Variants in TMC5 observed in about 807,000 individuals in gnomAD.
The protein encoded by TMC5 is transmembrane channel-like protein 5.
A neutral mutation model predicts 110.5 loss-of-function variants in TMC5; 86 were observed. The observed-to-expected ratio is 0.78, with a 90% CI of 0.65 to 0.93. The LOEUF (loss-of-function observed/expected upper bound fraction) is 0.93. TMC5 is among the 40% of genes least tolerant of loss of function. TMC5 has a pLI of 0.00. For synonymous variants in TMC5, 455 were observed against 439.5 expected, an observed-to-expected ratio of 1.04 and a Z score of -0.44; for missense variants, 1,144 against 1,222.8, an observed-to-expected ratio of 0.94 and a Z score of 0.96.
chr16:19,456,230 C>A, intron 5 of TMC5, among the ~76,000 whole-genome samples: 1 of 144,138 alleles, frequency 6.9e-6, no homozygotes, highest in African/African-American at 2.7e-5. Flanking sequence ...TATATATACA[C>A]ACATTTAGAA....
chr16:19,415,159 C>T (rs1966870407), upstream of TMC5, among the ~76,000 whole-genome samples: 1 of 152,184 alleles, frequency 6.6e-6, no homozygotes, highest in African/African-American at 2.4e-5. Context: ...CGTATAATTA[C>T]AGTTTATAGG....
intron 8 of TMC5, among the ~76,000 whole-genome samples, chr16:19,464,851 T>TC (rs1232757969): frequency 5.9e-5 from 9 of 152,028 alleles, no homozygotes; most frequent in Non-Finnish European, 1.2e-4. Context: ...ACTGTTTTTT[T>TC]CTTCCTGTAC....
At chr16:19,497,254 A>C in intron 21 of TMC5, 91 bp downstream of exon 21, 1 of 1,338,700 alleles carries the variant, frequency 7.5e-7, no homozygotes, top group East Asian at 2.3e-5. Flanking sequence ...TGTGTCCATT[A>C]CTTTTTCAGT....
In TMC5 at chr16:19,458,064, T is replaced by G. The variant is rs193079782; in HGVS notation, c.1049-2171T>G. On this transcript the variant is annotated intron_variant, in intron 5 of 21. Transcript: ENST00000542583. ...TCCTTAATCGCTACACTGTCTCACT[T>G]TGGGCTAATTCCTCCTCACCCTGGT... 2.9e-4 allele frequency among the ~76,000 whole-genome samples: 44 copies of G among 152,032 alleles called. No individual in the cohort carries two copies. In the Middle Eastern group the frequency reaches 0.017, roughly 59 times the overall value.
At chr16:19,454,542 C>T (rs916036668) in intron 5 of TMC5, among the ~76,000 whole-genome samples, 3 of 152,104 alleles carry the variant, frequency 2.0e-5, no homozygotes, top group Non-Finnish European at 4.4e-5. Flanking sequence ...TACTTCATAG[C>T]GTAAATGTTG....
Position 19,498,228 on chromosome 16 carries a change from A to G in TMC5, c.*262A>G. On this transcript the variant is annotated 3_prime_UTR_variant, in exon 22 of 22. Transcript: ENST00000542583. ...TGTTGTAATATTGAAATGAGCCTAC[A>G]AAAACCTAGGAAGAGATAACTAGGG... 2.1e-6 allele frequency: 1 copy of G among 476,592 alleles called. No individual in the cohort carries two copies. The highest frequency in any genetic ancestry group is 2.4e-5 in the South Asian group (1 of 41,688). The allele number at this position is 476,592 out of a possible 1,614,324, so 29.5% of individuals were successfully genotyped here.
In TMC5 at chr16:19,481,356, G is replaced by A. The variant is rs1170168096; in HGVS notation, c.2268-14G>A. ...AGTTATGGTTTGGGTACTAAACTCAGTATGTTTTCACAGAATCATTGGGAT... is the reference window on the plus strand; with the variant it reads ...AGTTATGGTTTGGGTACTAAACTCAATATGTTTTCACAGAATCATTGGGAT... On this transcript the variant is annotated splice_polypyrimidine_tract_variant and intron_variant, in intron 14 of 21. Coordinates refer to ENST00000542583, the MANE Select transcript of TMC5 (RefSeq NM_001261841.2). 13 of 1,597,324 alleles carry A rather than the reference G, an allele frequency of 8.1e-6. No homozygotes were observed. Among genetic ancestry groups the A allele is most frequent in the African/African-American group, 1.3e-5 (1 of 74,584 alleles).
intron 2 of TMC5, among the ~76,000 whole-genome samples, chr16:19,430,890 C>T (rs1031068897): frequency 4.4e-5 from 6 of 137,488 alleles, no homozygotes; most frequent in Non-Finnish European, 7.6e-5. Context: ...GACTGAATCT[C>T]GCTCTGTCGC....
In TMC5 at chr16:19,456,204, C is replaced by A. The variant is rs564683144; in HGVS notation, c.1049-4031C>A. On this transcript the variant is annotated intron_variant, in intron 5 of 21. Transcript: ENST00000542583. ...CCTGGGTGACATAGCGAGACTCCAT[C>A]TCAAAAAAAAAAATATATATATACA... Among the ~76,000 whole-genome samples, 5 of 143,728 alleles carry A rather than the reference C, an allele frequency of 3.5e-5. No homozygotes were observed. The East Asian group carries it at 9.8e-4, about 28-fold the overall frequency. 94.3% of individuals were successfully genotyped at this position (143,728 alleles called of 152,430 possible). A position where few individuals can be genotyped will look rare whatever the true frequency, so the allele number is the denominator to read the frequency against.
At position 19,463,806 on chromosome 16, in the gene TMC5, GA is replaced by G; in HGVS notation, c.1270del (p.Ile424PhefsTer2). 6.2e-7 allele frequency: 1 copy of G among 1,614,160 alleles called. No homozygotes were observed. On this transcript the variant is annotated frameshift_variant, in exon 8 of 22. Transcript: ENST00000542583. LOFTEE classifies it high-confidence loss of function. ...TCGGAGATCCAAGAACAGCCTGTCG[GA>G]AATTCTGAATTCCATCAGCCTGTGG... ...AYRRSKNSLSEILNSISLWQK... is the reference protein window; with the variant it reads ...AYRRSKNSLSXILNSISLWQK...
chr16:19,488,159 A>T (rs1567326369), intron 17 of TMC5, among the ~76,000 whole-genome samples: 1 of 152,098 alleles, frequency 6.6e-6, no homozygotes, highest in Non-Finnish European at 1.5e-5. Context: ...GTGCTTTGTA[A>T]GCTAGCCCAG....
intron 19 of TMC5, 85 bp downstream of exon 19, chr16:19,492,313 C>T (rs1029144499): frequency 2.2e-6 from 2 of 929,784 alleles, no homozygotes; most frequent in South Asian, 1.4e-5. Context: ...GAGAATACTA[C>T]AATGAACTCT....
intron 4 of TMC5, among the ~76,000 whole-genome samples, chr16:19,448,038 C>G (rs1443861834): frequency 6.6e-6 from 1 of 151,774 alleles, no homozygotes; most frequent in Non-Finnish European, 1.5e-5. Flanking sequence ...CTCCATTTCT[C>G]CCAGCTAATT....
At chr16:19,454,113 C>T (rs113441225) in intron 5 of TMC5, among the ~76,000 whole-genome samples, 6,032 of 151,966 alleles carry the variant, frequency 0.04, 389 homozygotes, top group African/African-American at 0.14. Flanking sequence ...AGTGGAGTGA[C>T]CTCGGCTCAC....
intron 20 of TMC5, 99 bp downstream of exon 20, chr16:19,494,465 A>C: frequency 2.6e-6 from 2 of 758,992 alleles, no homozygotes; most frequent in Non-Finnish European, 4.5e-6. Context: ...GGGATCATGG[A>C]AGGGCCCTTC....
At chr16:19,460,440 G>A in intron 6 of TMC5, 106 bp downstream of exon 6, 2 of 736,616 alleles carry the variant, frequency 2.7e-6, no homozygotes, top group Non-Finnish European at 4.4e-6. Context: ...CAATAGAAGA[G>A]ACAAATATTC....
At chr16:19,491,983 T>C (rs944370618) in intron 18 of TMC5, among the ~76,000 whole-genome samples, 167 bp from the exon 19 acceptor site, 5 of 152,212 alleles carry the variant, frequency 3.3e-5, no homozygotes, top group African/African-American at 1.2e-4. Flanking sequence ...TCAGGAACCA[T>C]TGTTCCAATG....
intron 1 of TMC5, among the ~76,000 whole-genome samples, chr16:19,421,822 T>A (rs1966988986): frequency 6.6e-6 from 1 of 152,240 alleles, no homozygotes; most frequent in Admixed American, 6.5e-5. Context: ...GTGGTTGGCA[T>A]ACACCTATAG....
In TMC5 at chr16:19,440,091, A is replaced by G. The variant is rs762597444; in HGVS notation, c.53A>G (p.Asp18Gly). Residue 18 changes from aspartate (D) to glycine (G), a missense_variant, in exon 3 of 22, where the codon GAC becomes GGC. Coordinates refer to ENST00000542583, the MANE Select transcript of TMC5 (RefSeq NM_001261841.2). ...TCTGAGGAAGACCCAGATTACCCTG[A>G]CTATTCAGGGTCTCAGAACCGTACG... ...NWSEEDPDYP[D>G]YSGSQNRTQG... The G allele has an allele frequency of 6.2e-7, 1 of 1,614,110 alleles. No homozygotes were observed. The highest frequency in any genetic ancestry group is 2.2e-5 in the East Asian group (1 of 44,874).
Sources: allele counts gnomAD v4.1 joint callset (sites outside exome capture counted in the v4.1 genomes callset), GRCh38; gene constraint gnomAD v4.1.1; transcripts MANE v1.5; gene names NCBI Gene and HGNC (gene_info 2026-07-23, HGNC 2026-07-21).